The following NRXN1 variants were observed in gnomAD, a reference collection of about 807,000 sequenced individuals.
NRXN1 encodes the protein neurexin 1.
A neutral mutation model predicts 150.9 loss-of-function variants in NRXN1; 39 were observed. The ratio of observed to expected loss-of-function variants is 0.26; its 90% confidence interval spans 0.20 to 0.34. The LOEUF is 0.34. NRXN1 is among the 10% of genes least tolerant of loss of function. The pLI, the probability that NRXN1 is intolerant of heterozygous loss-of-function variation, is 1.00. For missense variants in NRXN1, 1,815 were observed against 1,949.9 expected (o/e 0.93, Z 1.30); for synonymous variants, 924 against 757.0 (o/e 1.22, Z -3.62).
chr2:50,724,324 T>G (rs555148115), intron 5 of NRXN1, among the ~76,000 whole-genome samples: 1 of 152,210 alleles, frequency 6.6e-6, no homozygotes, highest in East Asian at 1.9e-4. Flanking sequence ...TCATATGCAA[T>G]GAAGCCTGTG....
intron 5 of NRXN1, among the ~76,000 whole-genome samples, chr2:50,794,529 T>C (rs113381136): frequency 6.6e-6 from 1 of 152,114 alleles, no homozygotes; most frequent in African/African-American, 2.4e-5. Context: ...GTGAACCAAC[T>C]GTAGGTAATG....
intron 21 of NRXN1, among the ~76,000 whole-genome samples, chr2:49,970,831 C>A (rs916719673): frequency 5.9e-5 from 9 of 151,894 alleles, no homozygotes; most frequent in African/African-American, 2.2e-4. Context: ...TTTTTTCTAT[C>A]TATTGGTGTT....
At chr2:49,950,182 G>A (rs1469005606) in intron 21 of NRXN1, among the ~76,000 whole-genome samples, 8 of 151,704 alleles carry the variant, frequency 5.3e-5, no homozygotes, top group Non-Finnish European at 1.2e-4. Flanking sequence ...CCCAAATTGC[G>A]GTCTATTTGA....
At chr2:50,072,669 A>G (rs1432353968) in intron 19 of NRXN1, among the ~76,000 whole-genome samples, 2 of 152,006 alleles carry the variant, frequency 1.3e-5, no homozygotes, top group African/African-American at 4.8e-5. Flanking sequence ...TCAAAACTGA[A>G]CGAATGTCTT....
In NRXN1 at chr2:50,238,794, C is replaced by T. The variant is rs183913218; in HGVS notation, c.3365-1824G>A. Among the ~76,000 whole-genome samples the T allele has an allele frequency of 2.6e-5, 4 of 152,044 alleles. No individual in the cohort carries two copies. The South Asian group carries it at 8.3e-4, about 32-fold the overall frequency. On this transcript the variant is annotated intron_variant, in intron 17 of 22. Coordinates refer to ENST00000401669, the MANE Select transcript of NRXN1 (RefSeq NM_001330078.2). ...AGACCTCTGCAATATGCCTATTGTA[C>T]CTGATGCTTAAATAGGACTTGGTAT...
At chr2:51,025,629 T>G (rs892377043) in intron 2 of NRXN1, among the ~76,000 whole-genome samples, 3 of 152,186 alleles carry the variant, frequency 2.0e-5, no homozygotes, top group Admixed American at 6.5e-5. Context: ...AAGACAATTT[T>G]CCCATAAAAT....
At chr2:50,457,702 T>C (rs2087716875) in intron 17 of NRXN1, among the ~76,000 whole-genome samples, 1 of 151,600 alleles carries the variant, frequency 6.6e-6, no homozygotes, top group Admixed American at 6.6e-5. Context: ...AACAGGAATA[T>C]AAAAAAAATG....
At chr2:50,784,178 T>A (rs1225414591) in intron 5 of NRXN1, among the ~76,000 whole-genome samples, 1 of 152,140 alleles carries the variant, frequency 6.6e-6, no homozygotes, top group Non-Finnish European at 1.5e-5. Context: ...CTTTGAGTAA[T>A]ATCAGGAATT....
intron 2 of NRXN1, among the ~76,000 whole-genome samples, chr2:51,021,308 C>A (rs532252339): frequency 6.6e-6 from 1 of 151,982 alleles, no homozygotes; most frequent in East Asian, 1.9e-4. Context: ...ATTTTCAGTA[C>A]ATATTTATAG....
chr2:50,779,951 C>G (rs1704148084), intron 5 of NRXN1, among the ~76,000 whole-genome samples: 1 of 152,076 alleles, frequency 6.6e-6, no homozygotes, highest in Non-Finnish European at 1.5e-5. Flanking sequence ...ACACTGTCTT[C>G]CACAATGTTT....
intron 5 of NRXN1, among the ~76,000 whole-genome samples, chr2:50,749,203 T>C (rs1700322877): frequency 6.6e-6 from 1 of 152,146 alleles, no homozygotes; most frequent in Non-Finnish European, 1.5e-5. Context: ...TTCACATATT[T>C]TATCTGAAAC....
chr2:50,864,245 T>A (rs1574751820), intron 5 of NRXN1, among the ~76,000 whole-genome samples: 1 of 151,988 alleles, frequency 6.6e-6, no homozygotes, highest in East Asian at 1.9e-4. Context: ...GGTACTGTGC[T>A]AGGTATACAG....
intron 17 of NRXN1, among the ~76,000 whole-genome samples, chr2:50,311,119 C>A (rs2075143934): frequency 6.6e-6 from 1 of 152,020 alleles, no homozygotes; most frequent in Non-Finnish European, 1.5e-5. Context: ...GTAATGCTAT[C>A]TATTCTTCTA....
chr2:50,952,796 G>A (rs1050092009), intron 2 of NRXN1, among the ~76,000 whole-genome samples: 3 of 151,950 alleles, frequency 2.0e-5, no homozygotes, highest in East Asian at 1.9e-4. Context: ...TCCCCCTTTC[G>A]TCATCTATGC....
chr2:50,529,177 T>G lies in NRXN1; in HGVS notation c.2348-526A>C, dbSNP rs77911572. Among the ~76,000 whole-genome samples, 1,522 of 152,322 alleles carry G rather than the reference T, an allele frequency of 1.0e-2. 30 individuals are homozygous for G. The highest frequency in any genetic ancestry group is 0.034 in the African/African-American group (1,399 of 41,566). On this transcript the variant is annotated intron_variant, in intron 11 of 22. Transcript: ENST00000401669. Reference sequence around the variant, plus strand: ...AGGGTTTTTGTTTTGTTTTTAAATTTTATTTGCTTGGGCATAAAAAGGTAA... The same window carrying G: ...AGGGTTTTTGTTTTGTTTTTAAATTGTATTTGCTTGGGCATAAAAAGGTAA...
chr2:50,939,682 C>T (rs1689110723), intron 2 of NRXN1, among the ~76,000 whole-genome samples: 1 of 152,050 alleles, frequency 6.6e-6, no homozygotes, highest in Non-Finnish European at 1.5e-5. Flanking sequence ...CACCATGGTA[C>T]CTAACACGTA....
At chr2:50,209,815 G>A (rs560720481) in intron 18 of NRXN1, among the ~76,000 whole-genome samples, 2 of 120,328 alleles carry the variant, frequency 1.7e-5, no homozygotes, top group Non-Finnish European at 3.5e-5. Flanking sequence ...AAAATAAAAT[G>A]AGAAATGTCA....
chr2:50,677,281 T>C (rs1478174625), intron 5 of NRXN1, among the ~76,000 whole-genome samples: 2 of 152,198 alleles, frequency 1.3e-5, no homozygotes, highest in African/African-American at 4.8e-5. Context: ...GAGTTTTCAA[T>C]GGCCAACATA....
intron 5 of NRXN1, among the ~76,000 whole-genome samples, chr2:50,784,579 T>G (rs1264260878): frequency 6.6e-6 from 1 of 152,116 alleles, no homozygotes; most frequent in Non-Finnish European, 1.5e-5. Flanking sequence ...GATATTATGA[T>G]GAAGACATTA....
Sources: gnomAD v4.1 joint callset for allele counts (sites outside exome capture counted in the v4.1 genomes callset) on GRCh38, gnomAD v4.1.1 for gene constraint, MANE v1.5 for transcripts, NCBI Gene and HGNC (gene_info 2026-07-23, HGNC 2026-07-21) for gene names.